The following ATRNL1 variants were observed in gnomAD, a reference collection of about 807,000 sequenced individuals.
ATRNL1 encodes the protein attractin like 1.
A neutral mutation model predicts 182.7 loss-of-function variants in ATRNL1; 95 were observed. The observed-to-expected ratio is 0.52, with a 90% CI of 0.44 to 0.62. The LOEUF (loss-of-function observed/expected upper bound fraction) is 0.62, where lower values mean the gene tolerates loss of function less well. Among genes scored for constraint, ATRNL1 ranks in the 20% least tolerant of loss-of-function variants. The probability of loss-of-function intolerance (pLI) is 0.00; values close to 1 mark genes in which losing one functional copy is unlikely to be tolerated. For synonymous variants in ATRNL1, 576 were observed against 568.3 expected, an observed-to-expected ratio of 1.01 and a Z score of -0.19; for missense variants, 1,471 against 1,679.5, an observed-to-expected ratio of 0.88 and a Z score of 2.17.
intron 25 of ATRNL1, among the ~76,000 whole-genome samples, chr10:115,521,168 G>GTTA (rs1332693565): frequency 6.8e-6 from 1 of 146,396 alleles, no homozygotes; most frequent in African/African-American, 2.6e-5. Context: ...TGTTGTTGTT[G>GTTA]TTGTTGAGAC....
chr10:115,753,881 G>C (rs1244181668), intron 27 of ATRNL1, among the ~76,000 whole-genome samples: 1 of 152,178 alleles, frequency 6.6e-6, no homozygotes, highest in Non-Finnish European at 1.5e-5. Flanking sequence ...ACTGATGTGA[G>C]ATGGTATCTC....
chr10:115,758,599 G>A (rs1219229186), intron 27 of ATRNL1, among the ~76,000 whole-genome samples: 2 of 152,164 alleles, frequency 1.3e-5, no homozygotes, highest in African/African-American at 4.8e-5. Context: ...CTGTATACAC[G>A]GGGGTGTCAG....
At chr10:115,274,103 C>A (rs986280705) in intron 13 of ATRNL1, among the ~76,000 whole-genome samples, 2 of 152,152 alleles carry the variant, frequency 1.3e-5, no homozygotes, top group Non-Finnish European at 2.9e-5. Flanking sequence ...TAAGGGTCTG[C>A]ACTATTATTT....
chr10:115,788,118 G>A (rs1424687933), intron 27 of ATRNL1, among the ~76,000 whole-genome samples: 2 of 152,172 alleles, frequency 1.3e-5, no homozygotes, highest in Non-Finnish European at 2.9e-5. Context: ...TAACAAAAAT[G>A]TAATTGGCTG....
rs528248405 is a variant in ATRNL1 at position 115,777,326 on chromosome 10, GTATT to G, written c.3903+49975_3903+49978del. Among the ~76,000 whole-genome samples, 30 of 152,078 alleles carry G rather than the reference GTATT, an allele frequency of 2.0e-4. No individual in the cohort carries two copies. In the East Asian group the frequency reaches 3.9e-3, roughly 20 times the overall value. ...TTTACTAGTAACTGAATAAAATAAA[GTATT>G]TATATAGCTTCATTTCCTTGAAAAA... On this transcript the variant is annotated intron_variant, in intron 27 of 28. Transcript: ENST00000355044.
chr10:115,147,350 G>A (rs996089834), intron 5 of ATRNL1, among the ~76,000 whole-genome samples: 2 of 152,006 alleles, frequency 1.3e-5, no homozygotes, highest in Non-Finnish European at 2.9e-5. Flanking sequence ...TGAGTTCCTT[G>A]TATATCCTGG....
chr10:115,938,117 C>T (rs1317222776), intron 28 of ATRNL1, among the ~76,000 whole-genome samples: 1 of 152,110 alleles, frequency 6.6e-6, no homozygotes, highest in African/African-American at 2.4e-5. Flanking sequence ...GTATATAAAG[C>T]GGGAATGTTC....
At chr10:115,767,905 C>G (rs1055279860) in intron 27 of ATRNL1, among the ~76,000 whole-genome samples, 2 of 152,100 alleles carry the variant, frequency 1.3e-5, no homozygotes, top group Non-Finnish European at 2.9e-5. Flanking sequence ...GATTCTAATT[C>G]TAGACAGAGC....
chr10:115,358,470 C>T (rs1166572311), intron 19 of ATRNL1, among the ~76,000 whole-genome samples: 2 of 151,294 alleles, frequency 1.3e-5, no homozygotes, highest in East Asian at 3.9e-4. Context: ...ACATTTTACT[C>T]AATAATACAT....
At chr10:115,661,664 G>T (rs1361138593) in intron 26 of ATRNL1, among the ~76,000 whole-genome samples, 1 of 152,050 alleles carries the variant, frequency 6.6e-6, no homozygotes, top group Non-Finnish European at 1.5e-5. Context: ...CCAGCCACGT[G>T]ATTTTCTGTC....
intron 6 of ATRNL1, among the ~76,000 whole-genome samples, chr10:115,161,693 C>CT (rs1158778561): frequency 9.9e-5 from 15 of 151,872 alleles, no homozygotes; most frequent in South Asian, 2.1e-4. Context: ...TTTAAGCCAA[C>CT]TTTTTTTTGT....
intron 26 of ATRNL1, among the ~76,000 whole-genome samples, chr10:115,665,972 T>C (rs1426563965): frequency 2.6e-5 from 4 of 152,160 alleles, no homozygotes; most frequent in African/African-American, 4.8e-5. Flanking sequence ...TTTGGTTTTG[T>C]TTCTTTGCTT....
intron 28 of ATRNL1, among the ~76,000 whole-genome samples, chr10:115,892,720 G>T (rs1477950763): frequency 1.3e-5 from 2 of 152,146 alleles, no homozygotes; most frequent in African/African-American, 4.8e-5. Context: ...AATCATTCAT[G>T]ATCAGGGAAT....
At chr10:115,311,089 G>A (rs1013364677) in intron 17 of ATRNL1, among the ~76,000 whole-genome samples, 1 of 151,520 alleles carries the variant, frequency 6.6e-6, no homozygotes, top group Non-Finnish European at 1.5e-5. Flanking sequence ...GGAGCAGATT[G>A]TTAAATTTTC....
chr10:115,464,480 A>G (rs1435240070), intron 22 of ATRNL1, among the ~76,000 whole-genome samples: 2 of 151,988 alleles, frequency 1.3e-5, no homozygotes, highest in Admixed American at 6.6e-5. Flanking sequence ...CACTGATTTT[A>G]TCACTTACTG....
chr10:115,612,610 A>G (rs1366334056), intron 26 of ATRNL1, among the ~76,000 whole-genome samples: 2 of 152,192 alleles, frequency 1.3e-5, no homozygotes, highest in Non-Finnish European at 2.9e-5. Context: ...CCTTGTGGAG[A>G]CAGTATGTCA....
At chr10:115,820,472 T>C (rs1052839410) in intron 27 of ATRNL1, 3 of 152,122 alleles carry the variant, frequency 2.0e-5, no homozygotes, top group Non-Finnish European at 2.9e-5. Context: ...TGGGGGAAAT[T>C]ACTAAGTGCT....
chr10:115,212,995 T>C (rs2144389780), intron 8 of ATRNL1, among the ~76,000 whole-genome samples: 1 of 152,200 alleles, frequency 6.6e-6, no homozygotes, highest in Middle Eastern at 3.4e-3. Context: ...CCAAAACTTA[T>C]AATAAAAGTT....
intron 19 of ATRNL1, among the ~76,000 whole-genome samples, chr10:115,343,836 G>A (rs1554939021): frequency 6.6e-6 from 1 of 152,206 alleles, no homozygotes; most frequent in East Asian, 1.9e-4. Flanking sequence ...AGTTGTATCT[G>A]CTATAGGGGG....
Sources: gnomAD v4.1 joint callset for allele counts (sites outside exome capture counted in the v4.1 genomes callset) on GRCh38, gnomAD v4.1.1 for gene constraint, MANE v1.5 for transcripts, NCBI Gene and HGNC (gene_info 2026-07-23, HGNC 2026-07-21) for gene names.